GLI2: variants seen among roughly 807,000 people sequenced by gnomAD.
GLI2 encodes GLI family zinc finger 2, also known as transcription activator GLI2.
A neutral mutation model predicts 78.9 loss-of-function variants in GLI2; 22 were observed. That is an observed-to-expected ratio of 0.28 (90% CI 0.20 to 0.40). The LOEUF is 0.40. GLI2 is among the 10% of genes least tolerant of loss of function. The pLI is 1.00. For synonymous variants in GLI2, 974 were observed against 963.7 expected (o/e 1.01, Z -0.20); for missense variants, 2,097 against 2,213.2 (o/e 0.95, Z 1.05).
intron 3 of GLI2, among the ~76,000 whole-genome samples, chr2:120,929,553 A>C (rs6541745): frequency 1.3e-5 from 2 of 152,150 alleles, no homozygotes; most frequent in Non-Finnish European, 2.9e-5. Flanking sequence ...TTGGTTGTCT[A>C]TTGTTATGCA....
chr2:120,777,772 C>T (rs564726572), intron 1 of GLI2, among the ~76,000 whole-genome samples: 1 of 148,656 alleles, frequency 6.7e-6, no homozygotes, highest in Non-Finnish European at 1.5e-5. Flanking sequence ...CAGACATTGC[C>T]TCTGGGGGGC....
At chr2:120,869,178 G>A (rs927294365) in intron 2 of GLI2, among the ~76,000 whole-genome samples, 1 of 152,188 alleles carries the variant, frequency 6.6e-6, no homozygotes, top group Non-Finnish European at 1.5e-5. Flanking sequence ...CCCCAGTGGG[G>A]ACAGGGAGGG....
At chr2:120,957,046 A>G (rs1260450089) in intron 5 of GLI2, among the ~76,000 whole-genome samples, 1 of 151,848 alleles carries the variant, frequency 6.6e-6, no homozygotes, top group Non-Finnish European at 1.5e-5. Context: ...CCCACCTCAT[A>G]CTTACAGCAA....
chr2:120,913,732 C>T (rs1678947582), intron 2 of GLI2, among the ~76,000 whole-genome samples: 1 of 152,196 alleles, frequency 6.6e-6, no homozygotes, highest in African/African-American at 2.4e-5. Flanking sequence ...TAAGTCCAGC[C>T]CCAGTGCTCG....
chr2:120,908,693 T>C (rs2104805722), intron 2 of GLI2, among the ~76,000 whole-genome samples: 1 of 152,312 alleles, frequency 6.6e-6, no homozygotes, highest in East Asian at 1.9e-4. Flanking sequence ...ACACATAGCA[T>C]GTGCTCTGAA....
chr2:120,745,422 G>A (rs1682665577), intron 1 of GLI2, among the ~76,000 whole-genome samples: 1 of 152,212 alleles, frequency 6.6e-6, no homozygotes, highest in Non-Finnish European at 1.5e-5. Flanking sequence ...AAGTAGGAAG[G>A]AGACAGATTG....
chr2:120,789,120 C>T (rs1558796473), intron 1 of GLI2, among the ~76,000 whole-genome samples: 1 of 151,538 alleles, frequency 6.6e-6, no homozygotes, highest in African/African-American at 2.4e-5. Flanking sequence ...CAACCTCCAC[C>T]TCCCAGGTTC....
chr2:120,838,816 A>G (rs1320338813), intron 2 of GLI2, among the ~76,000 whole-genome samples: 1 of 152,222 alleles, frequency 6.6e-6, no homozygotes, highest in Non-Finnish European at 1.5e-5. Context: ...AATATTCCCT[A>G]TAGTAACCTG....
At chr2:120,933,851 G>GCCCTGCCCTGCCCTGC (rs1553468623) in intron 3 of GLI2, among the ~76,000 whole-genome samples, 10 of 118,864 alleles carry the variant, frequency 8.4e-5, no homozygotes, top group South Asian at 2.7e-4. Flanking sequence ...GCCCTGCCCT[G>GCCCTGCCCTGCCCTGC]CCCTGCCCTG....
intron 2 of GLI2, among the ~76,000 whole-genome samples, chr2:120,812,299 T>C (rs994829507): frequency 2.6e-5 from 4 of 152,098 alleles, no homozygotes; most frequent in Non-Finnish European, 5.9e-5. Context: ...CCTCACTGCG[T>C]TGGGAGTCCG....
At chr2:120,778,380 G>A (rs933972961) in intron 1 of GLI2, among the ~76,000 whole-genome samples, 3 of 152,070 alleles carry the variant, frequency 2.0e-5, no homozygotes, top group African/African-American at 4.8e-5. Flanking sequence ...TCCCATCGTC[G>A]CTCCTGATTC....
chr2:120,813,759 G>C (rs1414255199), intron 2 of GLI2, among the ~76,000 whole-genome samples: 1 of 152,182 alleles, frequency 6.6e-6, no homozygotes, highest in African/African-American at 2.4e-5. Flanking sequence ...TGCCAGCCTA[G>C]TGGGCTACTT....
chr2:120,961,357 T>C (rs1319144730), intron 5 of GLI2, among the ~76,000 whole-genome samples: 1 of 152,002 alleles, frequency 6.6e-6, no homozygotes, highest in Non-Finnish European at 1.5e-5. Context: ...CAGACAGGGA[T>C]CCCTTTCCGA....
At chr2:120,864,051 T>A (rs1278964312) in intron 2 of GLI2, among the ~76,000 whole-genome samples, 1 of 152,190 alleles carries the variant, frequency 6.6e-6, no homozygotes, top group Non-Finnish European at 1.5e-5. Flanking sequence ...ACTTAGAGGT[T>A]ACCTACTGGG....
chr2:120,749,371 G>A (rs1045575785), intron 1 of GLI2, among the ~76,000 whole-genome samples: 4 of 152,044 alleles, frequency 2.6e-5, no homozygotes, highest in Non-Finnish European at 5.9e-5. Flanking sequence ...TAGTAGAGCT[G>A]TATTTTAAAA....
At chr2:120,915,541 C>T (rs942266327) in intron 2 of GLI2, among the ~76,000 whole-genome samples, 1 of 152,128 alleles carries the variant, frequency 6.6e-6, no homozygotes, top group African/African-American at 2.4e-5. Flanking sequence ...AATCATGGTG[C>T]CATTTGCATA....
chr2:120,775,936 G>T (rs966173758), intron 1 of GLI2, among the ~76,000 whole-genome samples: 3 of 152,250 alleles, frequency 2.0e-5, no homozygotes, highest in Non-Finnish European at 4.4e-5. Context: ...TGTGTTCTGC[G>T]GCCCTGGACC....
intron 2 of GLI2, among the ~76,000 whole-genome samples, chr2:120,874,685 T>C (rs1688643643): frequency 6.6e-6 from 1 of 152,210 alleles, no homozygotes; most frequent in Non-Finnish European, 1.5e-5. Flanking sequence ...ATGAGGTATC[T>C]CTCTGCTCAG....
intron 2 of GLI2, among the ~76,000 whole-genome samples, chr2:120,809,609 C>T (rs1047579870): frequency 6.6e-6 from 1 of 151,902 alleles, no homozygotes; most frequent in East Asian, 1.9e-4. Flanking sequence ...GGAGGGAGGG[C>T]GCCTGTGGCG....
Sources: allele counts gnomAD v4.1 joint callset (sites outside exome capture counted in the v4.1 genomes callset), GRCh38; gene constraint gnomAD v4.1.1; transcripts MANE v1.5; gene names NCBI Gene and HGNC (gene_info 2026-07-23, HGNC 2026-07-21).